The following DGKB variants were observed in gnomAD, a reference collection of about 807,000 sequenced individuals.
The protein encoded by DGKB is diacylglycerol kinase beta.
Under a neutral mutation model 114.3 loss-of-function variants are expected in DGKB, and 67 were observed. That is an observed-to-expected ratio of 0.59 (90% CI 0.48 to 0.72). DGKB has a LOEUF of 0.72. Among genes scored for constraint, DGKB ranks in the 30% least tolerant of loss-of-function variants. The pLI is 0.00. For synonymous variants in DGKB, 398 were observed against 323.1 expected (o/e 1.23, Z -2.49); for missense variants, 907 against 975.2 (o/e 0.93, Z 0.93).
chr7:14,477,516 G>C lies in DGKB; in HGVS notation c.1835+645C>G, dbSNP rs534599974. ...TTTCTAGGGGAGTGAGGTGGAGAGA[G>C]CCATATTTCCTTCTAGAAATGGGGA... On this transcript the variant is annotated intron_variant, in intron 21 of 25. Transcript: ENST00000402815. 2.6e-5 allele frequency among the ~76,000 whole-genome samples: 4 copies of C among 152,248 alleles called. No homozygotes were observed. In the East Asian group the frequency reaches 5.8e-4, roughly 22 times the overall value.
chr7:14,347,214 C>A (rs1472410508), intron 21 of DGKB, among the ~76,000 whole-genome samples: 3 of 151,882 alleles, frequency 2.0e-5, no homozygotes, highest in Non-Finnish European at 4.4e-5. Flanking sequence ...GAGTCTCTTC[C>A]CTACACTGTC....
chr7:14,593,818 G>A (rs898324760), intron 17 of DGKB, among the ~76,000 whole-genome samples: 2 of 109,006 alleles, frequency 1.8e-5, no homozygotes, highest in South Asian at 2.8e-4. Flanking sequence ...AAATGGTCCA[G>A]TTAAAAAAAG....
chr7:14,584,187 T>C (rs1440067017), intron 17 of DGKB, among the ~76,000 whole-genome samples: 4 of 152,214 alleles, frequency 2.6e-5, no homozygotes, highest in Non-Finnish European at 4.4e-5. Flanking sequence ...GTCAGATTAT[T>C]ATTTTTAAGC....
chr7:14,658,294 G>T (rs1187876827), intron 13 of DGKB, among the ~76,000 whole-genome samples: 1 of 151,916 alleles, frequency 6.6e-6, no homozygotes, highest in Admixed American at 6.6e-5. Flanking sequence ...AGGTCAATAT[G>T]ATAGGTGAAA....
intron 1 of DGKB, among the ~76,000 whole-genome samples, chr7:14,876,833 G>A (rs779087855): frequency 8.5e-5 from 13 of 152,130 alleles, no homozygotes; most frequent in Admixed American, 2.6e-4. Flanking sequence ...CATACATTCA[G>A]TGTAAATATT....
At chr7:14,267,481 T>C (rs865787214) in intron 23 of DGKB, among the ~76,000 whole-genome samples, 1,456 of 85,908 alleles carry the variant, frequency 0.017, 32 homozygotes, top group African/African-American at 0.079. Flanking sequence ...TTTTTTTTCT[T>C]TTTTTTTTTA....
chr7:14,411,476 C>T (rs1455364384), intron 21 of DGKB, among the ~76,000 whole-genome samples: 2 of 152,098 alleles, frequency 1.3e-5, no homozygotes, highest in Non-Finnish European at 2.9e-5. Flanking sequence ...TGTCTGACAA[C>T]AAACATCAAA....
intron 21 of DGKB, among the ~76,000 whole-genome samples, chr7:14,471,994 T>C (rs1042801096): frequency 6.6e-6 from 1 of 152,152 alleles, no homozygotes; most frequent in Non-Finnish European, 1.5e-5. Flanking sequence ...CCAGATACTT[T>C]GAAATAAGCT....
chr7:14,744,867 C>T (rs1329921170), intron 4 of DGKB, among the ~76,000 whole-genome samples: 2 of 152,076 alleles, frequency 1.3e-5, no homozygotes, highest in African/African-American at 4.8e-5. Flanking sequence ...TACATTAACC[C>T]TCTTATTCCT....
At chr7:14,901,839 G>A (rs1045380759) in intron 1 of DGKB, among the ~76,000 whole-genome samples, 1 of 152,116 alleles carries the variant, frequency 6.6e-6, no homozygotes, top group African/African-American at 2.4e-5. Context: ...GCAACCAGTT[G>A]AAGTTGTTTT....
At chr7:14,367,151 A>G (rs1816813032) in intron 21 of DGKB, among the ~76,000 whole-genome samples, 3 of 152,078 alleles carry the variant, frequency 2.0e-5, no homozygotes, top group African/African-American at 7.2e-5. Flanking sequence ...AACAAATGAT[A>G]GTCTATAGTG....
At chr7:14,889,547 C>A (rs981638403) in intron 1 of DGKB, among the ~76,000 whole-genome samples, 2 of 151,462 alleles carry the variant, frequency 1.3e-5, no homozygotes, top group African/African-American at 4.8e-5. Context: ...GCTCATCTCA[C>A]AAATCACTGC....
At chr7:14,816,986 C>T (rs1284018808) in intron 2 of DGKB, among the ~76,000 whole-genome samples, 7 of 152,134 alleles carry the variant, frequency 4.6e-5, no homozygotes, top group African/African-American at 1.7e-4. Context: ...TCATAATATG[C>T]ATTAATATTT....
At chr7:14,856,887 C>T (rs1850227963) in intron 1 of DGKB, among the ~76,000 whole-genome samples, 1 of 152,110 alleles carries the variant, frequency 6.6e-6, no homozygotes, top group South Asian at 2.1e-4. Flanking sequence ...AGTATTTGCC[C>T]ATAAATGAGT....
intron 2 of DGKB, chr7:14,814,126 C>A (rs2128087113): frequency 6.6e-6 from 1 of 152,276 alleles, no homozygotes; most frequent in Admixed American, 6.5e-5. Flanking sequence ...TCCAAGCCAA[C>A]TAGAGACTGG....
chr7:14,941,069 G>C (rs930796619), intron 1 of DGKB, among the ~76,000 whole-genome samples: 1 of 151,926 alleles, frequency 6.6e-6, no homozygotes, highest in African/African-American at 2.4e-5. Flanking sequence ...TTAAATACTA[G>C]ATGTGAGGAA....
intron 6 of DGKB, among the ~76,000 whole-genome samples, chr7:14,705,547 G>C: frequency 6.6e-6 from 1 of 150,850 alleles, no homozygotes. Context: ...AGGAAAAAAT[G>C]TTAAGGGCAG....
chr7:14,272,173 T>C lies in DGKB; in HGVS notation c.2122+66342A>G, dbSNP rs1464402019. The stretch of plus-strand genomic sequence containing the variant: ...ACTGTTATTTATATGCTATTTTTCA[T>C]AAACAATGCAAGATGACAGTGTATT... On this transcript the variant is annotated intron_variant, in intron 23 of 25. Coordinates refer to ENST00000402815, the MANE Select transcript of DGKB (RefSeq NM_001350709.2). 2.6e-5 allele frequency among the ~76,000 whole-genome samples: 4 copies of C among 152,178 alleles called. No homozygotes were observed. In the East Asian group the frequency reaches 5.8e-4, roughly 22 times the overall value.
intron 8 of DGKB, among the ~76,000 whole-genome samples, chr7:14,697,045 A>C (rs576928812): frequency 5.3e-5 from 8 of 152,240 alleles, no homozygotes; most frequent in African/African-American, 9.6e-5. Flanking sequence ...AAAGGTTTTA[A>C]AAATAATATA....
Sources: gnomAD v4.1 joint callset for allele counts (sites outside exome capture counted in the v4.1 genomes callset) on GRCh38, gnomAD v4.1.1 for gene constraint, MANE v1.5 for transcripts, NCBI Gene and HGNC (gene_info 2026-07-23, HGNC 2026-07-21) for gene names.